The following CDH1 variants were observed in gnomAD, a reference collection of about 807,000 sequenced individuals.
The protein encoded by CDH1 is cadherin-1.
In CDH1, 35 loss-of-function variants were observed where a neutral mutation model predicts 84.5. The ratio of observed to expected loss-of-function variants is 0.41; its 90% CI spans 0.32 to 0.55. The LOEUF (loss-of-function observed/expected upper bound fraction) is 0.55, where lower values mean the gene tolerates loss of function less well. CDH1 is among the 20% of genes least tolerant of loss of function. The probability of loss-of-function intolerance (pLI) is 0.19; values close to 1 mark genes in which losing one functional copy is unlikely to be tolerated. For synonymous variants in CDH1, 417 were observed against 439.0 expected (o/e 0.95, Z 0.63); for missense variants, 994 against 1,126.6 (o/e 0.88, Z 1.68).
At position 68,737,385 on chromosome 16, in the gene CDH1, G is replaced by C. The variant is rs2152113902; in HGVS notation, c.-31G>C. On this transcript the variant is annotated 5_prime_UTR_variant, in exon 1 of 16. Transcript: ENST00000261769. ...CCGGCCCGACCCGACCGCACCCGGC[G>C]CCTGCCCTCGCTCGGCGTCCCCGGC... 1 of 1,528,126 alleles carries C rather than the reference G, an allele frequency of 6.5e-7. No homozygotes were observed. Among genetic ancestry groups the C allele is most frequent in the Non-Finnish European group, 8.7e-7 (1 of 1,143,210 alleles). The allele number at this position is 1,528,126 out of a possible 1,614,324, so 94.7% of individuals were successfully genotyped here.
intron 15 of CDH1, among the ~76,000 whole-genome samples, chr16:68,832,268 T>G (rs1317658380): frequency 1.3e-5 from 2 of 152,024 alleles, no homozygotes; most frequent in East Asian, 1.9e-4. Flanking sequence ...AACCTTCACA[T>G]GTACTCCCAA....
chr16:68,832,523 A>T (rs1961512485), intron 15 of CDH1, among the ~76,000 whole-genome samples: 1 of 152,022 alleles, frequency 6.6e-6, no homozygotes, highest in African/African-American at 2.4e-5. Flanking sequence ...ATAAAATGAA[A>T]ATATATAAAG....
At chr16:68,754,617 A>G (rs192135831) in intron 2 of CDH1, among the ~76,000 whole-genome samples, 38 of 152,244 alleles carry the variant, frequency 2.5e-4, no homozygotes, top group Admixed American at 1.5e-3. Context: ...TGCTCTTTAT[A>G]GCAGGAAAAG....
intron 1 of CDH1, among the ~76,000 whole-genome samples, chr16:68,738,096 C>CGG (rs908433342): frequency 6.9e-6 from 1 of 145,782 alleles, no homozygotes; most frequent in Non-Finnish European, 1.5e-5. Context: ...GGCCCCCTCC[C>CGG]GGGAGTTCCT....
intron 2 of CDH1, among the ~76,000 whole-genome samples, chr16:68,749,422 C>A (rs1167566653): frequency 6.6e-6 from 1 of 152,156 alleles, no homozygotes; most frequent in Non-Finnish European, 1.5e-5. Context: ...GGATAGTGAT[C>A]TTTTTTCCTT....
intron 9 of CDH1, among the ~76,000 whole-genome samples, chr16:68,814,774 G>C (rs1242179366): frequency 6.6e-6 from 1 of 152,042 alleles, no homozygotes; most frequent in Non-Finnish European, 1.5e-5. Flanking sequence ...TTGAAAACTA[G>C]CCAAGCGCAG....
At chr16:68,774,106 G>A (rs1959661374) in intron 2 of CDH1, among the ~76,000 whole-genome samples, 1 of 152,048 alleles carries the variant, frequency 6.6e-6, no homozygotes, top group African/African-American at 2.4e-5. Flanking sequence ...GTAGAGACAG[G>A]GTCTTGCTAT....
chr16:68,774,220 A>G (rs1959665544), intron 2 of CDH1, among the ~76,000 whole-genome samples: 1 of 152,182 alleles, frequency 6.6e-6, no homozygotes, highest in South Asian at 2.1e-4. Context: ...GGCCAGAAGC[A>G]CAGTTTTAAA....
At chr16:68,786,520 C>CTTTTTT (rs1323536677) in intron 2 of CDH1, among the ~76,000 whole-genome samples, 15 of 77,506 alleles carry the variant, frequency 1.9e-4, no homozygotes, top group East Asian at 1.0e-3. Flanking sequence ...TTTCTGCTTT[C>CTTTTTT]TTTTTTTTTT....
intron 2 of CDH1, among the ~76,000 whole-genome samples, chr16:68,783,190 A>C (rs1428343385): frequency 6.6e-6 from 1 of 151,970 alleles, no homozygotes; most frequent in Non-Finnish European, 1.5e-5. Flanking sequence ...TGAGCTCAGG[A>C]GTTCGAGACC....
intron 2 of CDH1, among the ~76,000 whole-genome samples, chr16:68,766,440 G>A (rs1050007609): frequency 1.2e-4 from 18 of 152,268 alleles, no homozygotes; most frequent in South Asian, 2.1e-4. Flanking sequence ...CAGGGGACCA[G>A]TAGCAGGATT....
chr16:68,748,551 G>A (rs1962808466), intron 2 of CDH1, among the ~76,000 whole-genome samples: 1 of 152,228 alleles, frequency 6.6e-6, no homozygotes, highest in Non-Finnish European at 1.5e-5. Context: ...TAGACACTGG[G>A]TAGTGTCCTA....
intron 2 of CDH1, among the ~76,000 whole-genome samples, chr16:68,759,706 G>T (rs1842084763): frequency 6.6e-6 from 1 of 152,094 alleles, no homozygotes; most frequent in Admixed American, 6.6e-5. Context: ...GGCCAGGCTG[G>T]TGTCAAACTC....
At chr16:68,759,169 G>A (rs140230867) in intron 2 of CDH1, among the ~76,000 whole-genome samples, 85 of 152,178 alleles carry the variant, frequency 5.6e-4, no homozygotes, top group African/African-American at 2.0e-3. Flanking sequence ...CAAACTCCTC[G>A]GCTCGGGCAA....
intron 11 of CDH1, among the ~76,000 whole-genome samples, chr16:68,821,262 C>T (rs981412627): frequency 6.6e-6 from 1 of 152,006 alleles, no homozygotes; most frequent in African/African-American, 2.4e-5. Context: ...CACTTGAGCT[C>T]AAGAGTTCAA....
chr16:68,745,549 A>AAAATATATATATATATGTAT lies in CDH1; in HGVS notation c.163+7139_163+7140insAATATATATATATATGTATA, dbSNP rs1555510453. Reference sequence around the variant, plus strand: ...ATCCTGTCTCAAAAAAAAAAAAAAAAATATATATATATATGTATATATATA... The same window carrying AAAATATATATATATATGTAT: ...ATCCTGTCTCAAAAAAAAAAAAAAAAAAATATATATATATATGTATATATATATATATATGTATATATATA... On this transcript the variant is annotated intron_variant, in intron 2 of 15. Coordinates refer to ENST00000261769, the MANE Select transcript of CDH1 (RefSeq NM_004360.5). Among the ~76,000 whole-genome samples the AAAATATATATATATATGTAT allele has an allele frequency of 2.8e-3, 213 of 75,148 alleles. 2 individuals are homozygous for AAAATATATATATATATGTAT. Among genetic ancestry groups the AAAATATATATATATATGTAT allele is most frequent in the African/African-American group, 0.01 (185 of 18,048 alleles). 49.3% of individuals were successfully genotyped at this position (75,148 alleles called of 152,430 possible).
intron 2 of CDH1, among the ~76,000 whole-genome samples, chr16:68,760,531 T>G (rs1963140370): frequency 6.6e-6 from 1 of 152,156 alleles, no homozygotes; most frequent in Non-Finnish European, 1.5e-5. Flanking sequence ...GCCCCTCCTT[T>G]ATAACAGGCC....
intron 7 of CDH1, 44 bp from the exon 8 acceptor site, chr16:68,812,091 C>A (rs2152132410): frequency 6.2e-7 from 1 of 1,613,628 alleles, no homozygotes; most frequent in Non-Finnish European, 8.5e-7. Context: ...CCAAAGGTGG[C>A]TAGTGTTCCT....
At chr16:68,824,966 A>G (rs966756027) in intron 13 of CDH1, among the ~76,000 whole-genome samples, 2 of 152,226 alleles carry the variant, frequency 1.3e-5, no homozygotes, top group African/African-American at 2.4e-5. Context: ...GAGCAAGTCA[A>G]TTAGAAACCT....
Sources: gnomAD v4.1 joint callset for allele counts (sites outside exome capture counted in the v4.1 genomes callset) on GRCh38, gnomAD v4.1.1 for gene constraint, MANE v1.5 for transcripts, NCBI Gene and HGNC (gene_info 2026-07-23, HGNC 2026-07-21) for gene names.